HPSE2: variants seen among roughly 807,000 people sequenced by gnomAD.
HPSE2 encodes the protein heparanase 2 (inactive), also known as inactive heparanase-2.
A neutral mutation model predicts 60.5 loss-of-function variants in HPSE2; 38 were observed. That is an observed-to-expected ratio of 0.63 (90% CI 0.48 to 0.82). The LOEUF (loss-of-function observed/expected upper bound fraction) is 0.82, where lower values mean the gene tolerates loss of function less well. HPSE2 is among the 40% of genes least tolerant of loss of function. HPSE2 has a pLI of 0.00. For synonymous variants in HPSE2, 295 were observed against 293.2 expected (o/e 1.01, Z -0.06); for missense variants, 713 against 740.4 (o/e 0.96, Z 0.43).
chr10:99,106,742 T>C (rs879654650), intron 3 of HPSE2, among the ~76,000 whole-genome samples: 12 of 152,142 alleles, frequency 7.9e-5, no homozygotes, highest in Non-Finnish European at 2.9e-5. Context: ...ATGAAGTAGA[T>C]AATATTATCC....
intron 3 of HPSE2, among the ~76,000 whole-genome samples, chr10:98,753,043 T>A (rs1949794528): frequency 6.6e-6 from 1 of 152,020 alleles, no homozygotes. Flanking sequence ...GCTGAGGACT[T>A]TAGTTGGGAG....
intron 6 of HPSE2, among the ~76,000 whole-genome samples, chr10:98,672,189 T>C (rs1182871256): frequency 2.0e-5 from 3 of 152,152 alleles, no homozygotes; most frequent in Non-Finnish European, 4.4e-5. Context: ...CTTCTTTTTA[T>C]TTAGATGAAA....
At chr10:98,607,759 T>C (rs1191889764) in intron 9 of HPSE2, among the ~76,000 whole-genome samples, 2 of 152,206 alleles carry the variant, frequency 1.3e-5, no homozygotes, top group Admixed American at 6.5e-5. Flanking sequence ...ATTGCTTGAA[T>C]TGATTTCCAG....
At chr10:99,241,026 C>T in the HPSE2 span, among the ~76,000 whole-genome samples, 1 of 152,028 alleles carries the variant, frequency 6.6e-6, no homozygotes, top group Non-Finnish European at 1.5e-5. Context: ...GCATGGTGCT[C>T]TCAAAAAAAC....
chr10:98,732,514 C>T (rs1431382257), intron 4 of HPSE2, among the ~76,000 whole-genome samples: 1 of 151,634 alleles, frequency 6.6e-6, no homozygotes, highest in African/African-American at 2.4e-5. Context: ...TACAAAGGTG[C>T]CAAGATAAGT....
chr10:99,308,398 G>GAAAAAAAAAAAAAAAAAAAAAAAA, the HPSE2 span, among the ~76,000 whole-genome samples: 288 of 56,172 alleles, frequency 5.1e-3, no homozygotes, highest in South Asian at 7.5e-3. Context: ...AAAAAAAAAG[G>GAAAAAAAAAAAAAAAAAAAAAAAA]AAACCATCAA....
At chr10:98,805,731 A>T (rs1248768625) in intron 3 of HPSE2, among the ~76,000 whole-genome samples, 1 of 152,180 alleles carries the variant, frequency 6.6e-6, no homozygotes, top group Non-Finnish European at 1.5e-5. Flanking sequence ...TTGCTTTTAC[A>T]TCATAGACAA....
rs766912286 is a variant in HPSE2 at position 98,459,612 on chromosome 10, C to T, written c.1741G>A (p.Val581Ile). The change falls in exon 12 of 12, where the codon GTC becomes ATC. Residue 581 changes from valine to isoleucine, a missense_variant. Coordinates refer to ENST00000370552, the MANE Select transcript of HPSE2 (RefSeq NM_021828.5). Reference protein sequence around the residue: ...IPPVTMGFYVVKNVNALACRY... With the variant: ...IPPVTMGFYVIKNVNALACRY... ...CAGGCCAAAGCATTGACATTCTTGACCACATAAAAGCCCATGGTGACTGGA... is the reference window on the plus strand; with the variant it reads ...CAGGCCAAAGCATTGACATTCTTGATCACATAAAAGCCCATGGTGACTGGA... 9 of 1,614,130 alleles carry T rather than the reference C, an allele frequency of 5.6e-6. No individual in the cohort carries two copies. Among genetic ancestry groups the T allele is most frequent in the East Asian group, 2.2e-5 (1 of 44,856 alleles).
intron 3 of HPSE2, among the ~76,000 whole-genome samples, chr10:98,762,167 G>T (rs531297410): frequency 6.6e-6 from 1 of 151,420 alleles, no homozygotes; most frequent in Non-Finnish European, 1.5e-5. Flanking sequence ...CTGCACAGAA[G>T]AATTGAAAAA....
At chr10:99,235,919 A>AC (rs554156514), upstream of HPSE2, 184 of 601,518 alleles carry the variant, frequency 3.1e-4, no homozygotes, top group Middle Eastern at 4.2e-4. Context: ...TCCTCCCACC[A>AC]CCCCCCCAAC....
chr10:99,282,230 G>A, the HPSE2 span, among the ~76,000 whole-genome samples: 2 of 152,062 alleles, frequency 1.3e-5, no homozygotes, highest in African/African-American at 4.8e-5. Flanking sequence ...CTGCACTCCA[G>A]CCTGGGCAAC....
At chr10:98,820,312 C>T (rs542883348) in intron 3 of HPSE2, among the ~76,000 whole-genome samples, 1 of 152,130 alleles carries the variant, frequency 6.6e-6, no homozygotes, top group Non-Finnish European at 1.5e-5. Context: ...ACAAAGTTTC[C>T]AGGGAAAGAC....
At chr10:98,711,863 T>C (rs993535139) in intron 5 of HPSE2, among the ~76,000 whole-genome samples, 1 of 152,142 alleles carries the variant, frequency 6.6e-6, no homozygotes, top group South Asian at 2.1e-4. Context: ...TTATTCAAAA[T>C]GCCAATATCT....
At chr10:98,764,760 G>A (rs532919206) in intron 3 of HPSE2, among the ~76,000 whole-genome samples, 2 of 152,258 alleles carry the variant, frequency 1.3e-5, no homozygotes, top group African/African-American at 4.8e-5. Flanking sequence ...TGGAGGCTGA[G>A]GCAGGAGAAT....
At chr10:99,053,039 GAAAAA>G (rs59630547) in intron 3 of HPSE2, among the ~76,000 whole-genome samples, 1 of 148,370 alleles carries the variant, frequency 6.7e-6, no homozygotes, top group African/African-American at 2.5e-5. Context: ...TTAATTTCTT[GAAAAA>G]AAAACAAACT....
At chr10:99,208,474 C>T (rs1477839563) in intron 2 of HPSE2, among the ~76,000 whole-genome samples, 1 of 151,984 alleles carries the variant, frequency 6.6e-6, no homozygotes, top group African/African-American at 2.4e-5. Context: ...TTCTTGAGCC[C>T]AGGAATTCAA....
chr10:98,837,203 A>C (rs1318092724), intron 3 of HPSE2, among the ~76,000 whole-genome samples: 1 of 152,188 alleles, frequency 6.6e-6, no homozygotes, highest in Middle Eastern at 3.2e-3. Context: ...TCACAGTATA[A>C]GAGAGAATAA....
At chr10:98,790,851 G>T (rs756018384) in intron 3 of HPSE2, among the ~76,000 whole-genome samples, 10 of 152,240 alleles carry the variant, frequency 6.6e-5, no homozygotes, top group Non-Finnish European at 1.3e-4. Flanking sequence ...AAAAAGATGT[G>T]TAAAAGATGA....
At chr10:99,122,105 C>T (rs957492492) in intron 3 of HPSE2, among the ~76,000 whole-genome samples, 4 of 151,836 alleles carry the variant, frequency 2.6e-5, no homozygotes, top group Non-Finnish European at 4.4e-5. Context: ...TGCATGTGTG[C>T]GAGAATGCAT....
Sources: gnomAD v4.1 joint callset for allele counts (sites outside exome capture counted in the v4.1 genomes callset) on GRCh38, gnomAD v4.1.1 for gene constraint, MANE v1.5 for transcripts, NCBI Gene and HGNC (gene_info 2026-07-23, HGNC 2026-07-21) for gene names.